The following TENM4 variants were observed in gnomAD, a reference collection of about 807,000 sequenced individuals.
The protein encoded by TENM4 is teneurin-4.
In TENM4, 82 loss-of-function variants were observed where a neutral mutation model predicts 243.3. That is an observed-to-expected ratio of 0.34 (90% CI 0.28 to 0.40). The LOEUF (loss-of-function observed/expected upper bound fraction) is 0.40, where lower values mean the gene tolerates loss of function less well. Ranked by LOEUF, TENM4 falls within the 10% of genes least tolerant of loss-of-function variation. The probability of loss-of-function intolerance (pLI) is 1.00; values close to 1 mark genes in which losing one functional copy is unlikely to be tolerated. For synonymous variants in TENM4, 1,412 were observed against 1,456.3 expected, an observed-to-expected ratio of 0.97 and a Z score of 0.69; for missense variants, 3,138 against 3,673.3, an observed-to-expected ratio of 0.85 and a Z score of 3.77.
intron 4 of TENM4, 131 bp from the exon 5 acceptor site, chr11:79,070,140 A>T (rs1455061742): frequency 1.2e-5 from 13 of 1,119,966 alleles, no homozygotes; most frequent in African/African-American, 1.6e-5. Context: ...GTACCGCTCC[A>T]CCACTACGCA....
intron 3 of TENM4, among the ~76,000 whole-genome samples, chr11:79,160,668 G>A (rs573556084): frequency 6.6e-6 from 1 of 152,302 alleles, no homozygotes; most frequent in South Asian, 2.1e-4. Context: ...TTATCAGCAT[G>A]TCACCAGTGA....
chr11:78,942,491 A>C (rs1317978610), intron 6 of TENM4, among the ~76,000 whole-genome samples: 1 of 151,664 alleles, frequency 6.6e-6, no homozygotes, highest in Admixed American at 6.6e-5. Flanking sequence ...ATTTTTTAAG[A>C]AAGTTGACTA....
intron 1 of TENM4, among the ~76,000 whole-genome samples, chr11:79,415,838 G>A (rs1245684070): frequency 6.6e-6 from 1 of 152,054 alleles, no homozygotes. Flanking sequence ...AATCAAAATA[G>A]TAACCATATT....
chr11:79,213,835 G>A (rs1863996917), intron 3 of TENM4, among the ~76,000 whole-genome samples: 1 of 152,132 alleles, frequency 6.6e-6, no homozygotes, highest in South Asian at 2.1e-4. Context: ...ATCTTACTAT[G>A]CTGAGTGAGC....
chr11:78,864,665 A>T (rs1858918968), intron 9 of TENM4, among the ~76,000 whole-genome samples: 1 of 152,096 alleles, frequency 6.6e-6, no homozygotes, highest in Non-Finnish European at 1.5e-5. Flanking sequence ...GGGCCTTGTC[A>T]GTGGTTCAGG....
intron 3 of TENM4, among the ~76,000 whole-genome samples, chr11:79,186,442 CA>C (rs1863381318): frequency 6.6e-6 from 1 of 152,228 alleles, no homozygotes; most frequent in African/African-American, 2.4e-5. Context: ...AGCCTTATAG[CA>C]ATTCCAGAAA....
chr11:79,363,899 G>A (rs1490021337), intron 1 of TENM4, among the ~76,000 whole-genome samples: 1 of 152,134 alleles, frequency 6.6e-6, no homozygotes, highest in Admixed American at 6.5e-5. Flanking sequence ...TATTGTTTCA[G>A]TGAAATGACC....
intron 6 of TENM4, among the ~76,000 whole-genome samples, chr11:79,007,661 T>C (rs957087749): frequency 6.6e-6 from 1 of 152,166 alleles, no homozygotes; most frequent in Non-Finnish European, 1.5e-5. Flanking sequence ...CCCACCTGTC[T>C]AGGGGCAGAC....
intron 1 of TENM4, among the ~76,000 whole-genome samples, chr11:79,383,446 T>C (rs1197734285): frequency 6.6e-6 from 1 of 152,242 alleles, no homozygotes; most frequent in Non-Finnish European, 1.5e-5. Context: ...GTCTCTTTAT[T>C]TGGACCATCT....
chr11:79,026,856 C>T (rs1364385031), intron 6 of TENM4, among the ~76,000 whole-genome samples: 1 of 152,108 alleles, frequency 6.6e-6, no homozygotes, highest in Non-Finnish European at 1.5e-5. Flanking sequence ...AAGGGCAAAA[C>T]AAATAAATTT....
chr11:79,110,446 G>A (rs558640582), intron 4 of TENM4, among the ~76,000 whole-genome samples: 4 of 152,328 alleles, frequency 2.6e-5, no homozygotes, highest in Non-Finnish European at 4.4e-5. Flanking sequence ...GACAGCTGCA[G>A]CCTGGTACCT....
At chr11:79,369,958 G>A (rs571830439) in intron 1 of TENM4, among the ~76,000 whole-genome samples, 9 of 152,258 alleles carry the variant, frequency 5.9e-5, no homozygotes, top group Non-Finnish European at 1.0e-4. Flanking sequence ...AGCAGCTGGA[G>A]CCCTGGCCCT....
chr11:78,739,006 A>G (rs1855862953), intron 19 of TENM4, among the ~76,000 whole-genome samples: 1 of 151,878 alleles, frequency 6.6e-6, no homozygotes, highest in Non-Finnish European at 1.5e-5. Flanking sequence ...ATCCTGGTAT[A>G]GGGTAAGCTC....
At chr11:78,845,455 G>A (rs1032692541) in intron 12 of TENM4, among the ~76,000 whole-genome samples, 1 of 152,164 alleles carries the variant, frequency 6.6e-6, no homozygotes, top group Non-Finnish European at 1.5e-5. Flanking sequence ...TGACTCCAAA[G>A]CCTTTGTCCT....
chr11:78,960,379 G>A (rs1401393201), intron 6 of TENM4, among the ~76,000 whole-genome samples: 1 of 152,156 alleles, frequency 6.6e-6, no homozygotes, highest in Non-Finnish European at 1.5e-5. Flanking sequence ...AGTGGAAGCG[G>A]GGAGGTCCTA....
At chr11:79,168,648 G>A (rs1256866129) in intron 3 of TENM4, among the ~76,000 whole-genome samples, 2 of 152,162 alleles carry the variant, frequency 1.3e-5, no homozygotes, top group Non-Finnish European at 2.9e-5. Flanking sequence ...GCTTGCAGTA[G>A]ATTCACCGCA....
chr11:79,397,156 A>G (rs146677899), intron 1 of TENM4, among the ~76,000 whole-genome samples: 327 of 152,308 alleles, frequency 2.1e-3, no homozygotes, highest in African/African-American at 7.7e-3. Context: ...AGGAGCTAAG[A>G]AGGAAAAGGC....
At chr11:79,021,022 A>C (rs1358504619) in intron 6 of TENM4, among the ~76,000 whole-genome samples, 1 of 152,210 alleles carries the variant, frequency 6.6e-6, no homozygotes, top group African/African-American at 2.4e-5. Context: ...GATGTGCCTT[A>C]TTCATCTTTG....
At chr11:79,345,366 T>C (rs551838080) in intron 1 of TENM4, among the ~76,000 whole-genome samples, 52 of 152,340 alleles carry the variant, frequency 3.4e-4, no homozygotes, top group African/African-American at 1.3e-3. Context: ...TTTACACACT[T>C]CCCTCTCTCA....
Sources: gnomAD v4.1 joint callset for allele counts (sites outside exome capture counted in the v4.1 genomes callset) on GRCh38, gnomAD v4.1.1 for gene constraint, MANE v1.5 for transcripts, NCBI Gene and HGNC (gene_info 2026-07-23, HGNC 2026-07-21) for gene names.